AKAP9: variants seen among roughly 807,000 people sequenced by gnomAD.
AKAP9 encodes A-kinase anchor protein 9.
AKAP9 carries 311 observed loss-of-function variants against 488.5 expected under a neutral mutation model. That is an observed-to-expected ratio of 0.64 (90% CI 0.58 to 0.70). AKAP9 has a LOEUF of 0.70. AKAP9 is among the 30% of genes least tolerant of loss of function. AKAP9 has a pLI of 0.00. For synonymous variants in AKAP9, 1,462 were observed against 1,483.5 expected (o/e 0.99, Z 0.33); for missense variants, 4,215 against 4,374.5 (o/e 0.96, Z 1.03).
intron 26 of AKAP9, 71 bp from the exon 27 acceptor site, chr7:92,069,959 A>G (rs1412262179): frequency 7.3e-7 from 1 of 1,363,454 alleles, no homozygotes. Context: ...AAAATGAGGG[A>G]TAACTCAACC....
chr7:92,045,368 C>G (rs1806793972), intron 21 of AKAP9, among the ~76,000 whole-genome samples, 155 bp downstream of exon 21: 1 of 152,110 alleles, frequency 6.6e-6, no homozygotes, highest in South Asian at 2.1e-4. Flanking sequence ...TTTTCAAACA[C>G]CATTATTGTA....
chr7:92,109,687 C>T (rs1819056859), intron 49 of AKAP9, among the ~76,000 whole-genome samples: 1 of 152,110 alleles, frequency 6.6e-6, no homozygotes, highest in Non-Finnish European at 1.5e-5. Flanking sequence ...CCTGTAATCC[C>T]AGCACTTTGG....
intron 1 of AKAP9, among the ~76,000 whole-genome samples, chr7:91,960,576 T>G (rs1793605072): frequency 6.6e-6 from 1 of 152,230 alleles, no homozygotes; most frequent in African/African-American, 2.4e-5. Context: ...TAAATTAAAT[T>G]TTTTCTGTGT....
At chr7:92,083,137 G>A (rs1368288458) in intron 32 of AKAP9, 33 bp from the exon 33 acceptor site, 2 of 1,607,032 alleles carry the variant, frequency 1.2e-6, no homozygotes, top group Middle Eastern at 1.7e-4. Flanking sequence ...GATTTTAACT[G>A]AATGCCCTAC....
chr7:92,095,142 G>T lies in AKAP9; in HGVS notation c.9698G>T (p.Arg3233Leu), dbSNP rs546024452. 16 of 1,614,162 alleles carry T rather than the reference G, an allele frequency of 9.9e-6. No homozygotes were observed. In the African/African-American group the frequency reaches 1.6e-4, roughly 16 times the overall value. ...GAGAAAGAGAAAGCCAAGTTGGGAC[G>T]CAGTGAAGAACGGGATAAAGAAGAA... The part of the protein sequence containing the change: ...ALEKEKAKLG[R>L]SEERDKEELE... Residue 3233 changes from arginine (R) to leucine (L), a missense_variant, in exon 40 of 50, where the codon CGC (arginine) becomes CTC (leucine). By Grantham distance (102) the Arg-to-Leu change is moderately radical. This residue lies in a region of AKAP9 where 1,476 missense variants were observed against 1,477.4 expected (regional missense o/e 1.00). Transcript: ENST00000356239.
In AKAP9 at chr7:92,070,947, G is replaced by A. The variant is rs1334307914; in HGVS notation, c.6550G>A (p.Glu2184Lys). 1 of 1,613,682 alleles carries A rather than the reference G, an allele frequency of 6.2e-7. No individual in the cohort carries two copies. Among genetic ancestry groups the A allele is most frequent in the East Asian group, 2.2e-5 (1 of 44,864 alleles). ...KHFGAVEAKPELSLEVQLQAE... is the reference protein window; with the variant it reads ...KHFGAVEAKPKLSLEVQLQAE... Reference sequence around the variant, plus strand: ...CTTTGGAGCTGTAGAAGCTAAACCAGAATTGTCCCTAGAAGTACAATTGCA... The same window carrying A: ...CTTTGGAGCTGTAGAAGCTAAACCAAAATTGTCCCTAGAAGTACAATTGCA... The change falls in exon 28 of 50, where the codon GAA (glutamate) becomes AAA (lysine). Residue 2184 changes from glutamate to lysine, a missense_variant. By Grantham distance (56) the Glu-to-Lys change is moderately conservative. This residue lies in a region of AKAP9 where 2,361 missense variants were observed against 2,430.0 expected (regional missense o/e 0.97). Coordinates refer to ENST00000356239, the MANE Select transcript of AKAP9 (RefSeq NM_005751.5).
chr7:92,084,077 T>C (rs991507749), intron 33 of AKAP9, among the ~76,000 whole-genome samples: 1 of 152,182 alleles, frequency 6.6e-6, no homozygotes, highest in African/African-American at 2.4e-5. Context: ...ACATGCAGTG[T>C]TTGGTTTTCT....
chr7:92,000,929 A>C lies in AKAP9; in HGVS notation c.1012A>C (p.Ile338Leu), dbSNP rs899043502. The C allele has an allele frequency of 1.0e-5, 15 of 1,479,218 alleles. No individual in the cohort carries two copies. Among genetic ancestry groups the C allele is most frequent in the Non-Finnish European group, 1.4e-5 (15 of 1,101,802 alleles). The allele number at this position is 1,479,218 out of a possible 1,614,324, so 91.6% of individuals were successfully genotyped here. A position where few individuals can be genotyped will look rare whatever the true frequency, so the allele number is the denominator to read the frequency against. ...AATCATTGAAGAATTAAACACAAAA[A>C]TAATAGAAGAAGAAAAGAAAACTCT... ...ETIIEELNTK[I>L]IEEEKKTLEL... Residue 338 changes from isoleucine to leucine, a missense_variant, in exon 8 of 50, where the codon ATA (isoleucine) becomes CTA (leucine). Coordinates refer to ENST00000356239, the MANE Select transcript of AKAP9 (RefSeq NM_005751.5).
intron 30 of AKAP9, among the ~76,000 whole-genome samples, chr7:92,078,441 G>C (rs1812983022): frequency 6.6e-6 from 1 of 152,060 alleles, no homozygotes; most frequent in Non-Finnish European, 1.5e-5. Context: ...GGGCAACATG[G>C]TGAAACTTTG....
At chr7:92,038,277 C>T (rs955095786) in intron 16 of AKAP9, 142 bp from the exon 17 acceptor site, 6 of 581,444 alleles carry the variant, frequency 1.0e-5, no homozygotes, top group African/African-American at 5.7e-5. Context: ...CTCGGTATTA[C>T]TTTATTATAG....
Position 92,105,722 on chromosome 7 carries a change from T to C in AKAP9, c.11375T>C (p.Val3792Ala). The change falls in exon 47 of 50, where the codon GTT (valine) becomes GCT (alanine). Residue 3792 changes from valine (V) to alanine (A), a missense_variant. By Grantham distance (64) the Val-to-Ala change is moderately conservative. This residue lies in a region of AKAP9 where 253 missense variants were observed against 266.8 expected (regional missense o/e 0.95). Coordinates refer to ENST00000356239, the MANE Select transcript of AKAP9 (RefSeq NM_005751.5). ...CGGTGGCATCGAGTCACAGGTTCTG[T>C]TTCCATCAATATTAACAGAGATGGC... ...VRRWHRVTGS[V>A]SININRDGFG... is the part of the protein sequence containing the mutation. 1 of 1,614,234 alleles carries C rather than the reference T, an allele frequency of 6.2e-7. No individual in the cohort carries two copies. Among genetic ancestry groups the C allele is most frequent in the South Asian group, 1.1e-5 (1 of 91,086 alleles).
intron 15 of AKAP9, among the ~76,000 whole-genome samples, chr7:92,030,633 C>G (rs1804065774): frequency 1.5e-5 from 2 of 133,294 alleles, no homozygotes; most frequent in African/African-American, 3.1e-5. Flanking sequence ...CAGAACAAGA[C>G]TGTCGCCAAA....
chr7:92,036,496 C>A (rs905383195), intron 16 of AKAP9, among the ~76,000 whole-genome samples: 1 of 151,992 alleles, frequency 6.6e-6, no homozygotes, highest in Admixed American at 6.6e-5. Flanking sequence ...TATTATAATT[C>A]ATTGATCATC....
intron 1 of AKAP9, among the ~76,000 whole-genome samples, chr7:91,945,896 A>G (rs1203916024): frequency 6.6e-6 from 1 of 152,216 alleles, no homozygotes; most frequent in African/African-American, 2.4e-5. Context: ...TTGTATATTT[A>G]ATATAAAATT....
At chr7:92,043,816 A>C (rs1221507715) in intron 20 of AKAP9, among the ~76,000 whole-genome samples, 2 of 152,238 alleles carry the variant, frequency 1.3e-5, no homozygotes, top group Non-Finnish European at 2.9e-5. Context: ...CCTGTGAAAC[A>C]GGTATCCTTT....
intron 28 of AKAP9, among the ~76,000 whole-genome samples, chr7:92,075,761 C>A (rs778405181): frequency 2.6e-5 from 4 of 152,192 alleles, no homozygotes; most frequent in African/African-American, 9.7e-5. Flanking sequence ...TAAACTGTTA[C>A]AAGTGATGGC....
At chr7:91,952,214 A>G (rs945938318) in intron 1 of AKAP9, among the ~76,000 whole-genome samples, 1 of 152,234 alleles carries the variant, frequency 6.6e-6, no homozygotes, top group Admixed American at 6.5e-5. Flanking sequence ...TCGAGTAGAA[A>G]GTCAATCACG....
chr7:92,043,454 A>C, intron 20 of AKAP9: 1 of 562,626 alleles, frequency 1.8e-6, no homozygotes, highest in Non-Finnish European at 2.3e-6. Flanking sequence ...CTAATTGGTA[A>C]ATTTTGAAAA....
intron 18 of AKAP9, 85 bp downstream of exon 18, chr7:92,040,983 AGTATTTTTTAT>A: frequency 1.7e-6 from 2 of 1,160,744 alleles, no homozygotes; most frequent in South Asian, 1.4e-5. Context: ...TTAAAACAAC[AGTATTTTTTAT>A]GTAGCCATAA....
Sources: gnomAD v4.1 joint callset for allele counts (sites outside exome capture counted in the v4.1 genomes callset) on GRCh38, gnomAD v4.1.1 for gene constraint, gnomAD v4.1.1 regional missense constraint, MANE v1.5 for transcripts, NCBI Gene and HGNC (gene_info 2026-07-23, HGNC 2026-07-21) for gene names.